EXOC6B: variants seen among roughly 807,000 people sequenced by gnomAD.
EXOC6B encodes the protein exocyst complex component 6B, also known as SEC15 homolog B.
A neutral mutation model predicts 113.5 loss-of-function variants in EXOC6B; 54 were observed. That is an observed-to-expected ratio of 0.48 (90% CI 0.38 to 0.60). The LOEUF is 0.60. EXOC6B is among the 20% of genes least tolerant of loss of function. The pLI, the probability that EXOC6B is intolerant of heterozygous loss-of-function variation, is 0.00. For missense variants in EXOC6B, 797 were observed against 977.5 expected (o/e 0.82, Z 2.46); for synonymous variants, 357 against 339.0 (o/e 1.05, Z -0.58).
chr2:72,364,318 C>A (rs1246631315), intron 19 of EXOC6B, among the ~76,000 whole-genome samples: 1 of 152,044 alleles, frequency 6.6e-6, no homozygotes, highest in Non-Finnish European at 1.5e-5. Context: ...AGACAAATTA[C>A]TGCCAATCAG....
chr2:72,474,891 T>C (rs1198139913), intron 17 of EXOC6B, among the ~76,000 whole-genome samples: 2 of 152,208 alleles, frequency 1.3e-5, no homozygotes, highest in Non-Finnish European at 2.9e-5. Flanking sequence ...TGCAATTTTT[T>C]AAATTTGCTC....
In EXOC6B at chr2:72,559,517, G is replaced by A; in HGVS notation, c.851C>T (p.Pro284Leu). The A allele has an allele frequency of 6.2e-7, 1 of 1,611,938 alleles. No homozygotes were observed. Among genetic ancestry groups the A allele is most frequent in the Non-Finnish European group, 8.5e-7 (1 of 1,178,998 alleles). ...VEDEEDDEEV[P>L]GAQDLVDFSP... ...GAAATCCACCAAATCTTGGGCCCCA[G>A]GTACCTGCAAACACAAGATTATAAC... Residue 284 changes from proline (P) to leucine (L), a missense_variant, in exon 8 of 22, where the codon CCT becomes CTT. Physicochemically the swap from Pro to Leu is moderately conservative, Grantham distance 98. Coordinates refer to ENST00000272427, the MANE Select transcript of EXOC6B (RefSeq NM_015189.3).
intron 6 of EXOC6B, among the ~76,000 whole-genome samples, chr2:72,630,001 CTCA>C (rs1294051723): frequency 1.3e-5 from 2 of 152,168 alleles, no homozygotes; most frequent in Non-Finnish European, 2.9e-5. Context: ...TATTATAATA[CTCA>C]TTATTATAAT....
chr2:72,769,065 TGCCA>T (rs1683265342), intron 1 of EXOC6B, among the ~76,000 whole-genome samples: 1 of 152,238 alleles, frequency 6.6e-6, no homozygotes, highest in Non-Finnish European at 1.5e-5. Context: ...ATATACTTAA[TGCCA>T]CTGAACTGTA....
At position 72,718,719 on chromosome 2, in the gene EXOC6B, C is replaced by T. The variant is rs116217370; in HGVS notation, c.465-412G>A. 4.8e-3 allele frequency among the ~76,000 whole-genome samples: 729 copies of T among 152,170 alleles called. 5 individuals carry two copies. Among genetic ancestry groups the T allele is most frequent in the African/African-American group, 0.016 (671 of 41,540 alleles). On this transcript the variant is annotated intron_variant, in intron 5 of 21. Transcript: ENST00000272427. The stretch of plus-strand genomic sequence containing the variant: ...CTAAAAATACAAAAATTAGCCAGGC[C>T]TGGTGGCGCAAGCCACCTCAGAAAG...
chr2:72,182,245 T>G (rs1678134039), intron 21 of EXOC6B, among the ~76,000 whole-genome samples: 1 of 152,142 alleles, frequency 6.6e-6, no homozygotes, highest in African/African-American at 2.4e-5. Context: ...CTAATTATTT[T>G]AGACTATTGT....
intron 20 of EXOC6B, among the ~76,000 whole-genome samples, chr2:72,265,508 G>GT (rs1300336048): frequency 6.6e-6 from 1 of 151,082 alleles, no homozygotes; most frequent in Non-Finnish European, 1.5e-5. Flanking sequence ...GCAGTGTTTG[G>GT]TTTTTTGTCC....
chr2:72,638,878 T>A (rs1361327094), intron 6 of EXOC6B, among the ~76,000 whole-genome samples: 4 of 152,094 alleles, frequency 2.6e-5, no homozygotes, highest in Admixed American at 6.5e-5. Context: ...GTCTTGCCCA[T>A]CAGACAGGGC....
intron 18 of EXOC6B, among the ~76,000 whole-genome samples, chr2:72,381,169 T>C (rs1558611150): frequency 6.6e-6 from 1 of 152,188 alleles, no homozygotes; most frequent in East Asian, 1.9e-4. Flanking sequence ...TATGCTGTAT[T>C]ATTTTACATA....
In EXOC6B at chr2:72,513,936, T is replaced by A. The variant is rs561966749; in HGVS notation, c.1047-684A>T. Among the ~76,000 whole-genome samples the A allele has an allele frequency of 4.6e-5, 7 of 152,196 alleles. No individual in the cohort carries two copies. In the South Asian group the frequency reaches 1.5e-3, roughly 32 times the overall value. On this transcript the variant is annotated intron_variant, in intron 10 of 21. Coordinates refer to ENST00000272427, the MANE Select transcript of EXOC6B (RefSeq NM_015189.3). ...ACTAATTACATTGAAACAATTTAAA[T>A]CTGAAAAAAATAAACCTGATGAAGA... is the stretch of plus-strand genomic sequence containing the variant.
chr2:72,299,481 C>T (rs1012478253), intron 20 of EXOC6B, among the ~76,000 whole-genome samples: 3 of 151,944 alleles, frequency 2.0e-5, no homozygotes, highest in African/African-American at 7.2e-5. Flanking sequence ...TCCTTTAGCT[C>T]GGAGGAGTTT....
At chr2:72,622,476 G>C (rs1406833282) in intron 6 of EXOC6B, among the ~76,000 whole-genome samples, 1 of 152,214 alleles carries the variant, frequency 6.6e-6, no homozygotes, top group Admixed American at 6.5e-5. Flanking sequence ...CACTTTGGAA[G>C]GTCAAGGAGG....
intron 6 of EXOC6B, among the ~76,000 whole-genome samples, chr2:72,674,675 C>T (rs1260316226): frequency 6.6e-6 from 1 of 151,622 alleles, no homozygotes; most frequent in Non-Finnish European, 1.5e-5. Flanking sequence ...ACTAAAAATA[C>T]AAAAAATTAG....
intron 6 of EXOC6B, among the ~76,000 whole-genome samples, chr2:72,683,150 T>C (rs1676833186): frequency 6.6e-6 from 1 of 152,168 alleles, no homozygotes; most frequent in Admixed American, 6.6e-5. Context: ...TAGAAAAATA[T>C]TTACTTTGAA....
intron 8 of EXOC6B, among the ~76,000 whole-genome samples, chr2:72,542,988 G>T (rs917149533): frequency 7.9e-5 from 12 of 152,138 alleles, no homozygotes; most frequent in Non-Finnish European, 1.6e-4. Flanking sequence ...AGGGAGAAAA[G>T]GTTGTAAATA....
At chr2:72,549,667 C>T (rs1275021957) in intron 8 of EXOC6B, among the ~76,000 whole-genome samples, 1 of 151,990 alleles carries the variant, frequency 6.6e-6, no homozygotes. Flanking sequence ...ACATATAAGT[C>T]CAAAGCTCAA....
At chr2:72,699,886 T>C (rs1678187206) in intron 6 of EXOC6B, among the ~76,000 whole-genome samples, 1 of 152,168 alleles carries the variant, frequency 6.6e-6, no homozygotes, top group Non-Finnish European at 1.5e-5. Flanking sequence ...TATGGCTTTC[T>C]ATATACAGTC....
At chr2:72,686,533 T>A (rs1490452235) in intron 6 of EXOC6B, among the ~76,000 whole-genome samples, 2 of 152,186 alleles carry the variant, frequency 1.3e-5, no homozygotes, top group Admixed American at 6.5e-5. Flanking sequence ...ACAGGTAGTA[T>A]GTGAAAAGTC....
chr2:72,825,155 A>T lies in EXOC6B; in HGVS notation c.113+643T>A, dbSNP rs1048617077. 6.6e-6 allele frequency among the ~76,000 whole-genome samples: 1 copy of T among 152,168 alleles called. No homozygotes were observed. The highest frequency in any genetic ancestry group is 2.4e-5 in the African/African-American group (1 of 41,446). The stretch of plus-strand genomic sequence containing the variant: ...TAAAATGGAGATGTGCGTGCAAAAA[A>T]AAATGATAACTGGGGGGCGGCAGCA... On this transcript the variant is annotated intron_variant, in intron 1 of 21. Transcript: ENST00000272427. This position sits in a 1 kb window ranked among gnomAD's most constrained non-coding sequence, Gnocchi z 4.4.
Sources: allele counts gnomAD v4.1 joint callset (sites outside exome capture counted in the v4.1 genomes callset), GRCh38; gene constraint gnomAD v4.1.1; non-coding constraint Gnocchi (gnomAD v3.1); transcripts MANE v1.5; gene names NCBI Gene and HGNC (gene_info 2026-07-23, HGNC 2026-07-21).